Variants in RNF19B observed in about 807,000 individuals in gnomAD.
The protein encoded by RNF19B is E3 ubiquitin-protein ligase RNF19B.
Under a neutral mutation model 65.5 loss-of-function variants are expected in RNF19B, and 23 were observed. That is an observed-to-expected ratio of 0.35 (90% confidence interval 0.25 to 0.50). RNF19B has a LOEUF of 0.50. RNF19B is among the 20% of genes least tolerant of loss of function. RNF19B has a pLI of 0.98. For synonymous variants in RNF19B, 372 were observed against 379.6 expected, an observed-to-expected ratio of 0.98 and a Z score of 0.23; for missense variants, 794 against 980.0, an observed-to-expected ratio of 0.81 and a Z score of 2.53.
downstream of RNF19B, among the ~76,000 whole-genome samples, chr1:32,933,543 C>A (rs748254569): frequency 5.3e-5 from 8 of 152,174 alleles, no homozygotes; most frequent in Non-Finnish European, 1.2e-4. Flanking sequence ...GCATGAGCCA[C>A]CACGCCCGGC....
chr1:32,963,845 A>G (rs546710306), intron 1 of RNF19B, among the ~76,000 whole-genome samples: 2 of 152,176 alleles, frequency 1.3e-5, no homozygotes, highest in South Asian at 2.1e-4. Context: ...CCGAATGCTT[A>G]GCAGCCACCT....
At chr1:32,946,023 C>T (rs1642360176) in intron 4 of RNF19B, among the ~76,000 whole-genome samples, 1 of 152,044 alleles carries the variant, frequency 6.6e-6, no homozygotes, top group Non-Finnish European at 1.5e-5. Flanking sequence ...GCCACCATAC[C>T]CAGCTAATTT....
chr1:32,963,961 G>A, intron 1 of RNF19B, 90 bp downstream of exon 1: 1 of 1,357,288 alleles, frequency 7.4e-7, no homozygotes, highest in Non-Finnish European at 9.4e-7. Flanking sequence ...GGGTTTCCCT[G>A]CTTGGGACAC....
chr1:32,946,567 G>T lies in RNF19B; in HGVS notation c.984-3C>A. On this transcript the variant is annotated splice_polypyrimidine_tract_variant and splice_region_variant and intron_variant, in intron 3 of 8. Transcript: ENST00000235150. ...CCCAGAATGTACAGCCAGAGGGGCT[G>T]CAGGGGAAACAGACTGAAGTTAATG... is the stretch of plus-strand genomic sequence containing the variant. 6.2e-7 allele frequency: 1 copy of T among 1,612,858 alleles called. No individual in the cohort carries two copies. Among genetic ancestry groups the T allele is most frequent in the Non-Finnish European group, 8.5e-7 (1 of 1,179,392 alleles).
chr1:32,951,952 G>T lies in RNF19B; in HGVS notation c.636-2178C>A, dbSNP rs534110974. 5.6e-5 allele frequency among the ~76,000 whole-genome samples: 8 copies of T among 141,872 alleles called. No homozygotes were observed. In the East Asian group the frequency reaches 1.5e-3, roughly 26 times the overall value. The allele number at this position is 141,872 out of a possible 152,430, so 93.1% of individuals were successfully genotyped here. ...TGGGATTACAGGCGCCCGCCACCAC[G>T]CCCGGCTTTTTTTTTTTTTTTTTTT... is the stretch of plus-strand genomic sequence containing the variant. On this transcript the variant is annotated intron_variant, in intron 1 of 8. Coordinates refer to ENST00000235150, the MANE Select transcript of RNF19B (RefSeq NM_001300826.2).
At chr1:32,939,127 C>G (rs1642174639) in intron 7 of RNF19B, among the ~76,000 whole-genome samples, 1 of 152,180 alleles carries the variant, frequency 6.6e-6, no homozygotes, top group East Asian at 1.9e-4. Context: ...ATCACTTCCC[C>G]TCATTATCCC....
intron 1 of RNF19B, among the ~76,000 whole-genome samples, 180 bp downstream of exon 1, chr1:32,963,871 G>A (rs966541609): frequency 3.9e-5 from 6 of 152,236 alleles, no homozygotes; most frequent in Non-Finnish European, 7.3e-5. Flanking sequence ...CCTGGGGCAG[G>A]GGGCGGGGTG....
intron 1 of RNF19B, among the ~76,000 whole-genome samples, chr1:32,953,019 G>C (rs1401997025): frequency 6.8e-6 from 1 of 146,900 alleles, no homozygotes; most frequent in Admixed American, 6.9e-5. Context: ...CCAGCTTCTG[G>C]ACAGTGGTGT....
chr1:32,950,027 T>C (rs1642455308), intron 1 of RNF19B, among the ~76,000 whole-genome samples: 1 of 152,000 alleles, frequency 6.6e-6, no homozygotes, highest in South Asian at 2.1e-4. Context: ...TGGAGTGCAG[T>C]GGTGTAATCT....
intron 7 of RNF19B, among the ~76,000 whole-genome samples, chr1:32,941,469 G>T (rs1016998856): frequency 6.6e-6 from 1 of 152,002 alleles, no homozygotes; most frequent in Admixed American, 6.5e-5. Context: ...GAACCCAGGA[G>T]GTGGAGGCTG....
the RNF19B span, among the ~76,000 whole-genome samples, chr1:32,929,673 C>A: frequency 1.3e-5 from 2 of 152,116 alleles, no homozygotes; most frequent in African/African-American, 4.8e-5. Context: ...TACCCTGCAC[C>A]CCCTTTTTCA....
intron 1 of RNF19B, among the ~76,000 whole-genome samples, chr1:32,956,107 T>C (rs963757796): frequency 6.6e-6 from 1 of 152,202 alleles, no homozygotes; most frequent in African/African-American, 2.4e-5. Context: ...GGCTCATGCC[T>C]GTAATCCCAG....
At chr1:32,931,597 C>T (rs187900758), downstream of RNF19B, among the ~76,000 whole-genome samples, 11 of 152,228 alleles carry the variant, frequency 7.2e-5, no homozygotes, top group Admixed American at 7.2e-4. Flanking sequence ...GGTAAAGCTA[C>T]GAATTCAACT....
At chr1:32,934,919 G>A (rs536988969), downstream of RNF19B, among the ~76,000 whole-genome samples, 146 of 151,902 alleles carry the variant, frequency 9.6e-4, no homozygotes, top group South Asian at 7.3e-3. Context: ...TGCAACATCC[G>A]CCTCCCGAGT....
At chr1:32,957,581 C>G (rs986062689) in intron 1 of RNF19B, among the ~76,000 whole-genome samples, 1 of 152,172 alleles carries the variant, frequency 6.6e-6, no homozygotes, top group Non-Finnish European at 1.5e-5. Flanking sequence ...CACCTGTAAT[C>G]CCAGCACTTT....
At chr1:32,950,126 C>T (rs1344679467) in intron 1 of RNF19B, among the ~76,000 whole-genome samples, 8 of 152,086 alleles carry the variant, frequency 5.3e-5, no homozygotes, top group Admixed American at 2.6e-4. Context: ...CAAGCCACCA[C>T]GCCTGGCTAA....
chr1:32,960,747 AGC>A (rs1642750195), intron 1 of RNF19B, among the ~76,000 whole-genome samples: 1 of 152,168 alleles, frequency 6.6e-6, no homozygotes. Context: ...CAATAATCCC[AGC>A]ACTTTGGGAG....
chr1:32,949,501 TC>T (rs1276423025), intron 2 of RNF19B, 67 bp downstream of exon 2: 1 of 1,373,892 alleles, frequency 7.3e-7, no homozygotes, highest in African/African-American at 1.4e-5. Context: ...TAAGATAATT[TC>T]TTTCAGCTAT....
At chr1:32,952,986 A>G (rs76720586) in intron 1 of RNF19B, among the ~76,000 whole-genome samples, 4,412 of 103,608 alleles carry the variant, frequency 0.043, 203 homozygotes, top group African/African-American at 0.14. Flanking sequence ...TTTTTTTTTG[A>G]AGACAAGGTC....
Sources: allele counts gnomAD v4.1 joint callset (sites outside exome capture counted in the v4.1 genomes callset), GRCh38; gene constraint gnomAD v4.1.1; transcripts MANE v1.5; gene names NCBI Gene and HGNC (gene_info 2026-07-23, HGNC 2026-07-21).